The following MAP4 variants were observed in gnomAD, a reference collection of about 807,000 sequenced individuals.
MAP4 encodes the protein microtubule associated protein 4, also known as microtubule-associated protein 4.
Under a neutral mutation model 170.2 loss-of-function variants are expected in MAP4, and 76 were observed. The observed-to-expected ratio is 0.45, with a 90% confidence interval of 0.37 to 0.54. The LOEUF is 0.54. MAP4 is among the 20% of genes least tolerant of loss of function. The pLI is 0.00. For missense variants in MAP4, 2,506 were observed against 2,748.0 expected (o/e 0.91, Z 1.97); for synonymous variants, 909 against 994.5 (o/e 0.91, Z 1.62).
At chr3:47,946,092 G>C (rs1256309997) in intron 3 of MAP4, among the ~76,000 whole-genome samples, 1 of 150,828 alleles carries the variant, frequency 6.6e-6, no homozygotes, top group Non-Finnish European at 1.5e-5. Context: ...CCGCCACCAT[G>C]CTTGGCTAAT....
At chr3:48,079,911 C>G (rs1358778702) in intron 1 of MAP4, among the ~76,000 whole-genome samples, 2 of 150,936 alleles carry the variant, frequency 1.3e-5, no homozygotes, top group Non-Finnish European at 2.9e-5. Flanking sequence ...GATAGTGCCA[C>G]TACACTCCGG....
At chr3:48,015,088 A>G (rs2100107108) in intron 1 of MAP4, among the ~76,000 whole-genome samples, 1 of 152,190 alleles carries the variant, frequency 6.6e-6, no homozygotes, top group African/African-American at 2.4e-5. Context: ...ATCTTTCAAA[A>G]TATCGCCTCC....
intron 1 of MAP4, among the ~76,000 whole-genome samples, chr3:48,007,513 C>A (rs2100102980): frequency 6.6e-6 from 1 of 152,140 alleles, no homozygotes; most frequent in Non-Finnish European, 1.5e-5. Flanking sequence ...AGCTGCTCTG[C>A]CACCTGGGCC....
At chr3:47,993,500 T>C (rs971136568) in intron 2 of MAP4, among the ~76,000 whole-genome samples, 5 of 152,212 alleles carry the variant, frequency 3.3e-5, no homozygotes, top group Admixed American at 2.0e-4. Context: ...GTTCAGTTTA[T>C]ACAATTTTGG....
At chr3:47,890,929 TA>T in intron 10 of MAP4, 1 of 1,073,374 alleles carries the variant, frequency 9.3e-7, no homozygotes, top group South Asian at 1.7e-5. Context: ...AACCCAGCTG[TA>T]AAAAGCTGCT....
upstream of MAP4, among the ~76,000 whole-genome samples, chr3:48,017,259 TAC>T (rs1192390442): frequency 6.6e-6 from 1 of 152,164 alleles, no homozygotes; most frequent in African/African-American, 2.4e-5. Flanking sequence ...AGCAAAACCT[TAC>T]AGTTTTGTAG....
intron 1 of MAP4, among the ~76,000 whole-genome samples, chr3:47,999,449 A>C (rs1338616367): frequency 6.6e-6 from 1 of 152,178 alleles, no homozygotes; most frequent in African/African-American, 2.4e-5. Flanking sequence ...GTAGTCACGT[A>C]TATTACCATT....
At chr3:48,076,704 A>T (rs983074620) in intron 1 of MAP4, among the ~76,000 whole-genome samples, 1 of 152,104 alleles carries the variant, frequency 6.6e-6, no homozygotes, top group African/African-American at 2.4e-5. Context: ...CGAACGAACG[A>T]AAGAACAAAC....
At position 48,035,882 on chromosome 3, in the gene MAP4, G is replaced by A. The variant is rs942330042; in HGVS notation, c.-19-37003C>T. ...TTGAACCTGGGTGGTGGAGGTTGCA[G>A]TGAGCCGAGATCCCACCACTGCATT... On this transcript the variant is annotated intron_variant, in intron 1 of 18. Coordinates refer to the MAP4 transcript ENST00000360240. Among the ~76,000 whole-genome samples, 4 of 152,044 alleles carry A rather than the reference G, an allele frequency of 2.6e-5. No homozygotes were observed. In the South Asian group the frequency reaches 8.3e-4, roughly 32 times the overall value.
intron 1 of MAP4, among the ~76,000 whole-genome samples, chr3:48,031,766 C>G (rs2100116230): frequency 6.6e-6 from 1 of 152,004 alleles, no homozygotes; most frequent in East Asian, 1.9e-4. Context: ...GCCTATGGTC[C>G]CAGCTATTTG....
At chr3:47,951,612 G>A (rs1350937462) in intron 3 of MAP4, among the ~76,000 whole-genome samples, 2 of 152,072 alleles carry the variant, frequency 1.3e-5, no homozygotes, top group Non-Finnish European at 1.5e-5. Context: ...TTGGCCTCCC[G>A]AGGTGCCGGG....
chr3:47,997,231 GACTTAACC>G (rs2100096259), intron 2 of MAP4, among the ~76,000 whole-genome samples: 1 of 148,048 alleles, frequency 6.8e-6, no homozygotes, highest in Non-Finnish European at 1.5e-5. Context: ...TTTCCCAGCT[GACTTAACC>G]ACTTCAAAAG....
At chr3:48,073,272 C>T (rs1441715909) in intron 1 of MAP4, among the ~76,000 whole-genome samples, 1 of 148,796 alleles carries the variant, frequency 6.7e-6, no homozygotes, top group Non-Finnish European at 1.5e-5. Context: ...CACACACACA[C>T]ACACACACAC....
At chr3:48,023,753 T>A (rs1038440295) in intron 1 of MAP4, among the ~76,000 whole-genome samples, 22 of 152,338 alleles carry the variant, frequency 1.4e-4, no homozygotes, top group African/African-American at 5.3e-4. Context: ...TTGATGTATT[T>A]TTAATCATTT....
chr3:47,949,543 G>C (rs925796122), intron 3 of MAP4, among the ~76,000 whole-genome samples: 2 of 149,794 alleles, frequency 1.3e-5, no homozygotes, highest in African/African-American at 2.5e-5. Context: ...CAACAACATA[G>C]TACCAGGAAT....
At chr3:48,053,730 CAT>C (rs2100129139) in intron 1 of MAP4, among the ~76,000 whole-genome samples, 4 of 152,208 alleles carry the variant, frequency 2.6e-5, no homozygotes, top group African/African-American at 7.2e-5. Flanking sequence ...GGGAGTAACA[CAT>C]ATTGATGATC....
rs1465210246 is a variant in MAP4 at position 47,912,083 on chromosome 3, A to C, written c.2338T>G (p.Tyr780Asp). 4 of 1,536,166 alleles carry C rather than the reference A, an allele frequency of 2.6e-6. No homozygotes were observed. The highest frequency in any genetic ancestry group is 1.4e-5 in the African/African-American group (1 of 73,166). ...KKKKKPKQKR[Y>D]SQPRAGGPSD... Reference sequence around the variant, plus strand: ...GGTCCTCCAGCCCGTGGTTGAGAATATCTCTTTTGCTTTGGTTTCTTCTTC... The same window carrying C: ...GGTCCTCCAGCCCGTGGTTGAGAATCTCTCTTTTGCTTTGGTTTCTTCTTC... Residue 780 changes from tyrosine to aspartate, a missense_variant, in exon 9 of 21, where the codon TAT (tyrosine) becomes GAT (aspartate). Physicochemically the swap from Tyr to Asp is radical, Grantham distance 160. Coordinates refer to ENST00000683076, the MANE Select transcript of MAP4 (RefSeq NM_001385682.1).
intron 6 of MAP4, 86 bp from the exon 7 acceptor site, chr3:47,917,260 G>T: frequency 8.7e-7 from 1 of 1,147,748 alleles, no homozygotes; most frequent in Non-Finnish European, 1.3e-6. Context: ...AGAGTATTTG[G>T]CTTTTGTGAC....
intron 1 of MAP4, among the ~76,000 whole-genome samples, chr3:48,076,374 C>T (rs2100143886): frequency 6.6e-6 from 1 of 151,742 alleles, no homozygotes; most frequent in Admixed American, 6.6e-5. Context: ...TGGTGGTGGG[C>T]ACCTGTAGTC....
Sources: gnomAD v4.1 joint callset for allele counts (sites outside exome capture counted in the v4.1 genomes callset) on GRCh38, gnomAD v4.1.1 for gene constraint, MANE v1.5 for transcripts, NCBI Gene and HGNC (gene_info 2026-07-23, HGNC 2026-07-21) for gene names.